SLC17A1: variants seen among roughly 807,000 people sequenced by gnomAD.
SLC17A1 encodes the protein solute carrier family 17 member 1, also known as sodium-dependent phosphate transport protein 1.
Under a neutral mutation model 53.5 loss-of-function variants are expected in SLC17A1, and 51 were observed. That is an observed-to-expected ratio of 0.95 (90% CI 0.76 to 1.20). SLC17A1 has a LOEUF of 1.20. SLC17A1 is among the 50% of genes most tolerant of loss of function. The pLI, the probability that SLC17A1 is intolerant of heterozygous loss-of-function variation, is 0.00. For missense variants in SLC17A1, 538 were observed against 568.2 expected (o/e 0.95, Z 0.54); for synonymous variants, 179 against 198.8 (o/e 0.90, Z 0.84).
chr6:25,732,725 GCCCGA>G, the SLC17A1 span: 1 of 1,275,286 alleles, frequency 7.8e-7, no homozygotes, highest in South Asian at 1.2e-5. Context: ...CAAGCTGCTG[GCCCGA>G]GTGACAATGG....
chr6:25,732,497 G>C, the SLC17A1 span: 16 of 396,130 alleles, frequency 4.0e-5, no homozygotes, highest in East Asian at 4.2e-4. Flanking sequence ...CATTCAGAGA[G>C]GTTCTGCAGT....
the SLC17A1 span, among the ~76,000 whole-genome samples, chr6:25,728,030 C>T: frequency 4.6e-5 from 7 of 151,914 alleles, no homozygotes; most frequent in Non-Finnish European, 7.4e-5. Context: ...ACAAAAAAAC[C>T]CCCTAGTTTG....
At chr6:25,769,336 C>A in the SLC17A1 span, 1 of 781,816 alleles carries the variant, frequency 1.3e-6, no homozygotes, top group Non-Finnish European at 2.0e-6. Context: ...AAGTATCAGG[C>A]CGAGCATGGT....
chr6:25,779,103 A>G, downstream of SLC17A1: 1 of 1,613,908 alleles, frequency 6.2e-7, no homozygotes, highest in Non-Finnish European at 8.5e-7. Flanking sequence ...GCTGCTGTTA[A>G]CATATCGGGC....
the SLC17A1 span, among the ~76,000 whole-genome samples, chr6:25,753,892 G>A: frequency 6.6e-6 from 1 of 152,104 alleles, no homozygotes; most frequent in Non-Finnish European, 1.5e-5. Context: ...TAGATAGGGA[G>A]GAAGTTCAAG....
chr6:25,814,983 T>TCTCTCTCA (rs773502408), intron 6 of SLC17A1, among the ~76,000 whole-genome samples: 1 of 140,436 alleles, frequency 7.1e-6, no homozygotes, highest in African/African-American at 2.7e-5. Flanking sequence ...CAAGACTCTG[T>TCTCTCTCA]CACACAAACA....
At chr6:25,816,684 G>A (rs960770495) in intron 6 of SLC17A1, among the ~76,000 whole-genome samples, 1 of 152,238 alleles carries the variant, frequency 6.6e-6, no homozygotes, top group Admixed American at 6.5e-5. Flanking sequence ...GAGATGCTAG[G>A]AAATGTAGGC....
At chr6:25,752,137 T>A in the SLC17A1 span, among the ~76,000 whole-genome samples, 1 of 152,194 alleles carries the variant, frequency 6.6e-6, no homozygotes, top group East Asian at 1.9e-4. Context: ...AGGAATACAT[T>A]CTGAGAAATG....
the SLC17A1 span, chr6:25,726,022 A>G: frequency 2.0e-5 from 19 of 957,204 alleles, no homozygotes; most frequent in Non-Finnish European, 2.9e-5. Context: ...GCTGGTTAAC[A>G]GCAGTAACGT....
chr6:25,737,392 C>T, the SLC17A1 span, among the ~76,000 whole-genome samples: 1 of 152,066 alleles, frequency 6.6e-6, no homozygotes, highest in African/African-American at 2.4e-5. Flanking sequence ...ATTGCTTTCT[C>T]AACCAATCAG....
At chr6:25,776,865 C>G in the SLC17A1 span, 21 of 1,613,836 alleles carry the variant, frequency 1.3e-5, no homozygotes, top group Non-Finnish European at 1.8e-5. Flanking sequence ...CAGATCCAGC[C>G]ACAGCATGAC....
intron 12 of SLC17A1, among the ~76,000 whole-genome samples, chr6:25,796,984 C>G (rs1285509418): frequency 1.3e-5 from 2 of 152,202 alleles, no homozygotes; most frequent in African/African-American, 4.8e-5. Flanking sequence ...GGTTTCTACC[C>G]AAGGCCAACC....
At chr6:25,793,857 T>A (rs532984664) in intron 12 of SLC17A1, among the ~76,000 whole-genome samples, 2 of 152,146 alleles carry the variant, frequency 1.3e-5, no homozygotes, top group Non-Finnish European at 2.9e-5. Context: ...AAATCACAGG[T>A]ATTTTCCTAT....
rs776207638 is a variant in SLC17A1 at position 25,830,549 on chromosome 6, C to T, written c.9G>A (p.Met3Ile). MQ[M>I]DNRLPPKKVP... ...CTTTTTTGGGAGGCAACCGGTTATC[C>T]ATTTGCATACACGGCTGAAGTTGCT... The change falls in exon 2 of 13, where the codon ATG becomes ATA. Residue 3 changes from methionine to isoleucine, a missense_variant. By Grantham distance (10) the Met-to-Ile change is conservative. Coordinates refer to ENST00000244527, the MANE Select transcript of SLC17A1 (RefSeq NM_005074.5). 32 of 1,613,762 alleles carry T rather than the reference C, an allele frequency of 2.0e-5. No individual in the cohort carries two copies. The South Asian group carries it at 3.2e-4, about 16-fold the overall frequency.
chr6:25,794,074 T>G (rs907940381), intron 12 of SLC17A1, among the ~76,000 whole-genome samples: 3 of 152,188 alleles, frequency 2.0e-5, no homozygotes, highest in Non-Finnish European at 4.4e-5. Context: ...AACCAACAAA[T>G]AGACTGCAGC....
At chr6:25,819,433 T>A in intron 5 of SLC17A1, 78 bp downstream of exon 5, 1 of 1,208,610 alleles carries the variant, frequency 8.3e-7, no homozygotes, top group Admixed American at 1.8e-5. Context: ...AAAACACACA[T>A]TTCTTATGGC....
chr6:25,738,416 C>G, the SLC17A1 span, among the ~76,000 whole-genome samples: 1 of 151,912 alleles, frequency 6.6e-6, no homozygotes, highest in Non-Finnish European at 1.5e-5. Flanking sequence ...TCATATAGAT[C>G]ATATATTTAA....
At chr6:25,732,110 T>A in the SLC17A1 span, 1 of 747,898 alleles carries the variant, frequency 1.3e-6, no homozygotes, top group Non-Finnish European at 2.0e-6. Flanking sequence ...AGCAACTGCC[T>A]TCTTAAAGCC....
intron 10 of SLC17A1, among the ~76,000 whole-genome samples, chr6:25,806,804 C>T (rs905370622): frequency 1.3e-5 from 2 of 151,982 alleles, no homozygotes; most frequent in Non-Finnish European, 2.9e-5. Flanking sequence ...TATCCACAAT[C>T]TACAAGGAAC....
Sources: allele counts gnomAD v4.1 joint callset (sites outside exome capture counted in the v4.1 genomes callset), GRCh38; gene constraint gnomAD v4.1.1; transcripts MANE v1.5; gene names NCBI Gene and HGNC (gene_info 2026-07-23, HGNC 2026-07-21).